The following MAP2 variants were observed in gnomAD, a reference collection of about 807,000 sequenced individuals.
The protein encoded by MAP2 is microtubule associated protein 2.
Under a neutral mutation model 137.6 loss-of-function variants are expected in MAP2, and 14 were observed. The ratio of observed to expected loss-of-function variants is 0.10; its 90% CI spans 0.07 to 0.16. MAP2 has a LOEUF of 0.16. Ranked by LOEUF, MAP2 falls within the 10% of genes least tolerant of loss-of-function variation. MAP2 has a pLI of 1.00. For synonymous variants in MAP2, 786 were observed against 782.3 expected, an observed-to-expected ratio of 1.00 and a Z score of -0.08; for missense variants, 2,088 against 2,191.5, an observed-to-expected ratio of 0.95 and a Z score of 0.94.
intron 1 of MAP2, among the ~76,000 whole-genome samples, chr2:209,502,999 C>CTTT (rs71043931): frequency 5.3e-5 from 7 of 131,340 alleles, no homozygotes; most frequent in South Asian, 2.4e-4. Context: ...GATTTTTTTT[C>CTTT]TTTTTTTTTT....
chr2:209,658,600 G>A (rs113700682), intron 5 of MAP2, among the ~76,000 whole-genome samples: 2,547 of 151,886 alleles, frequency 0.017, 78 homozygotes, highest in African/African-American at 0.058. Context: ...TCTGCCTCCC[G>A]GGTTCAAGCG....
intron 7 of MAP2, among the ~76,000 whole-genome samples, chr2:209,689,931 A>G (rs1161847090): frequency 6.6e-6 from 1 of 152,208 alleles, no homozygotes; most frequent in Non-Finnish European, 1.5e-5. Context: ...ACATCATACA[A>G]TGCAATGAAG....
chr2:209,729,622 C>T (rs369243093), intron 14 of MAP2, among the ~76,000 whole-genome samples: 27 of 152,088 alleles, frequency 1.8e-4, no homozygotes, highest in Non-Finnish European at 2.9e-4. Flanking sequence ...GGTATTAATA[C>T]GTGAAGCAAT....
At chr2:209,595,665 T>TTA (rs1296312202) in intron 3 of MAP2, among the ~76,000 whole-genome samples, 1 of 152,216 alleles carries the variant, frequency 6.6e-6, no homozygotes, top group Non-Finnish European at 1.5e-5. Context: ...ACATGTATGT[T>TTA]TATTGCGGCC....
At chr2:209,511,772 T>G (rs1437709239) in intron 2 of MAP2, among the ~76,000 whole-genome samples, 1 of 152,038 alleles carries the variant, frequency 6.6e-6, no homozygotes, top group Non-Finnish European at 1.5e-5. Flanking sequence ...GAGTCTCGCT[T>G]TGTTGCCCAG....
chr2:209,441,504 C>T (rs1335818568), intron 1 of MAP2, among the ~76,000 whole-genome samples: 1 of 151,514 alleles, frequency 6.6e-6, no homozygotes, highest in African/African-American at 2.4e-5. Context: ...AAGGAGGTAT[C>T]CCCAAAGGAT....
intron 3 of MAP2, among the ~76,000 whole-genome samples, chr2:209,619,642 T>G (rs1427969500): frequency 6.6e-6 from 1 of 152,076 alleles, no homozygotes; most frequent in African/African-American, 2.4e-5. Flanking sequence ...ATAAAATATT[T>G]GTTTATATGT....
intron 13 of MAP2, among the ~76,000 whole-genome samples, chr2:209,713,481 G>C (rs575989608): frequency 1.3e-5 from 2 of 152,234 alleles, no homozygotes; most frequent in African/African-American, 4.8e-5. Flanking sequence ...AATCTTTTCA[G>C]CTAAAACAAA....
At position 209,696,647 on chromosome 2, in the gene MAP2, A is replaced by G; in HGVS notation, c.4286A>G (p.Lys1429Arg). ...TCTCTTGAGAAACATAGAAAAGAAA[A>G]GCCTTTTAAAACCGGGAGAGGCAGA... ...RSSLEKHRKE[K>R]PFKTGRGRIS... The change falls in exon 9 of 16, where the codon AAG becomes AGG. Residue 1429 changes from lysine (K) to arginine (R), a missense_variant. Coordinates refer to ENST00000682079, the MANE Select transcript of MAP2 (RefSeq NM_001375505.1). 1 of 1,613,956 alleles carries G rather than the reference A, an allele frequency of 6.2e-7. No homozygotes were observed. Among genetic ancestry groups the G allele is most frequent in the Non-Finnish European group, 8.5e-7 (1 of 1,179,904 alleles).
chr2:209,494,225 T>A (rs1157371308), intron 1 of MAP2, among the ~76,000 whole-genome samples: 2 of 150,752 alleles, frequency 1.3e-5, no homozygotes, highest in Non-Finnish European at 3.0e-5. Context: ...TAAGTGAGAG[T>A]TGAACAATGA....
rs1262335765 is a variant in MAP2, at chr2:209,470,477, A to ATT, written c.-221-37114_-221-37113dup. Among the ~76,000 whole-genome samples, 4 of 149,566 alleles carry ATT rather than the reference A, an allele frequency of 2.7e-5. No individual in the cohort carries two copies. In the Admixed American group the frequency reaches 2.7e-4, roughly 10 times the overall value. ...GTAAAAAATATATATAAACATATAT[A>ATT]TTATATATATAATTGTATATAATTA... On this transcript the variant is annotated intron_variant, in intron 1 of 15. Coordinates refer to ENST00000682079, the MANE Select transcript of MAP2 (RefSeq NM_001375505.1).
At chr2:209,699,206 G>A (rs1305410249) in intron 10 of MAP2, among the ~76,000 whole-genome samples, 3 of 152,120 alleles carry the variant, frequency 2.0e-5, no homozygotes, top group Non-Finnish European at 2.9e-5. Context: ...AAAACAATGA[G>A]TCCTAGAATC....
At chr2:209,554,613 C>T (rs1373859026) in intron 2 of MAP2, among the ~76,000 whole-genome samples, 12 of 151,858 alleles carry the variant, frequency 7.9e-5, no homozygotes, top group Admixed American at 7.2e-4. Context: ...CGTGGTGAAG[C>T]GTTGTCTCTA....
chr2:209,465,776 G>T (rs1435257252), intron 1 of MAP2, among the ~76,000 whole-genome samples: 1 of 152,088 alleles, frequency 6.6e-6, no homozygotes, highest in Non-Finnish European at 1.5e-5. Flanking sequence ...ACACATGTTG[G>T]TTCTTGAGAG....
At chr2:209,729,654 G>T (rs1378498865) in intron 14 of MAP2, among the ~76,000 whole-genome samples, 196 bp from the exon 15 acceptor site, 1 of 152,108 alleles carries the variant, frequency 6.6e-6, no homozygotes, top group Admixed American at 6.6e-5. Context: ...TATAAGAAGG[G>T]TGTTATGGTC....
intron 7 of MAP2, among the ~76,000 whole-genome samples, chr2:209,684,452 G>A (rs1397727211): frequency 6.6e-6 from 1 of 152,180 alleles, no homozygotes. Context: ...AGCAGCCATC[G>A]ACCATATGCT....
chr2:209,725,587 T>C (rs1344216693), intron 13 of MAP2, 122 bp from the exon 14 acceptor site: 1 of 488,546 alleles, frequency 2.0e-6, no homozygotes. Flanking sequence ...GTACTTCAAT[T>C]TGGGTTTCTA....
chr2:209,549,112 G>GA (rs371671188), intron 2 of MAP2, among the ~76,000 whole-genome samples: 1 of 152,130 alleles, frequency 6.6e-6, no homozygotes, highest in Admixed American at 6.5e-5. Context: ...TTCCAGGCAA[G>GA]AAAAAATAAT....
chr2:209,429,288 A>G (rs113772998), intron 1 of MAP2, among the ~76,000 whole-genome samples: 80 of 152,292 alleles, frequency 5.3e-4, no homozygotes, highest in African/African-American at 1.8e-3. Flanking sequence ...AAAGTAATAC[A>G]TGTATACAAC....
Sources: gnomAD v4.1 joint callset for allele counts (sites outside exome capture counted in the v4.1 genomes callset) on GRCh38, gnomAD v4.1.1 for gene constraint, MANE v1.5 for transcripts, NCBI Gene and HGNC (gene_info 2026-07-23, HGNC 2026-07-21) for gene names.